The following ANKRD30A variants were observed in gnomAD, a reference collection of about 807,000 sequenced individuals.
ANKRD30A encodes the protein ankyrin repeat domain 30A, also known as ankyrin repeat domain-containing protein 30A.
In ANKRD30A, 170 loss-of-function variants were observed where a neutral mutation model predicts 166.3. The observed-to-expected ratio is 1.02, with a 90% CI of 0.90 to 1.16. The LOEUF is 1.16. Ranked by LOEUF, ANKRD30A falls within the 50% of genes most tolerant of loss-of-function variation. The pLI, the probability that ANKRD30A is intolerant of heterozygous loss-of-function variation, is 0.00. For missense variants in ANKRD30A, 1,630 were observed against 1,518.0 expected, an observed-to-expected ratio of 1.07 and a Z score of -1.23; for synonymous variants, 564 against 508.9, an observed-to-expected ratio of 1.11 and a Z score of -1.46.
chr10:37,240,553 A>G, the ANKRD30A span, among the ~76,000 whole-genome samples: 2 of 152,186 alleles, frequency 1.3e-5, no homozygotes, highest in Non-Finnish European at 2.9e-5. Context: ...TTGTCAAATT[A>G]TTCAGCTTTT....
At chr10:37,221,208 A>G (rs1235902479) in intron 34 of ANKRD30A, among the ~76,000 whole-genome samples, 2 of 151,150 alleles carry the variant, frequency 1.3e-5, no homozygotes, top group Admixed American at 6.6e-5. Context: ...AATAAGCAGC[A>G]ATGGGTACAA....
intron 12 of ANKRD30A, among the ~76,000 whole-genome samples, chr10:37,152,458 C>A (rs1838024891): frequency 6.6e-6 from 1 of 152,060 alleles, no homozygotes; most frequent in African/African-American, 2.4e-5. Flanking sequence ...ATATATGATT[C>A]TGTCTTACAT....
intron 31 of ANKRD30A, among the ~76,000 whole-genome samples, chr10:37,211,176 A>G (rs1043311600): frequency 2.6e-5 from 4 of 151,808 alleles, no homozygotes; most frequent in African/African-American, 9.7e-5. Context: ...GTTTTAGGGT[A>G]CATGTGCATA....
intron 18 of ANKRD30A, among the ~76,000 whole-genome samples, chr10:37,165,840 A>T (rs947966318): frequency 2.0e-5 from 3 of 152,146 alleles, no homozygotes; most frequent in African/African-American, 7.2e-5. Context: ...AACGGCGGAA[A>T]GACATAGAAA....
At chr10:37,222,386 C>T (rs1053030709) in intron 34 of ANKRD30A, among the ~76,000 whole-genome samples, 11 of 151,356 alleles carry the variant, frequency 7.3e-5, no homozygotes, top group Admixed American at 6.0e-4. Context: ...AGTGGCTTCT[C>T]TTACTTAGCA....
intron 5 of ANKRD30A, chr10:37,135,472 G>A (rs1308501105): frequency 1.3e-5 from 2 of 152,222 alleles, no homozygotes; most frequent in East Asian, 3.8e-4. Flanking sequence ...GTAAGGTGAT[G>A]TATGAAATGA....
At chr10:37,154,705 C>G (rs1838231596) in intron 13 of ANKRD30A, among the ~76,000 whole-genome samples, 1 of 152,086 alleles carries the variant, frequency 6.6e-6, no homozygotes, top group East Asian at 1.9e-4. Flanking sequence ...AGGCAGGAAG[C>G]AGGGGACAAG....
the ANKRD30A span, among the ~76,000 whole-genome samples, chr10:37,260,935 T>TTG: frequency 2.6e-5 from 4 of 152,160 alleles, no homozygotes; most frequent in Non-Finnish European, 5.9e-5. Context: ...AAACTACCAA[T>TTG]TGTGTGCTAT....
chr10:37,201,137 G>C, intron 30 of ANKRD30A, 98 bp from the exon 31 acceptor site: 1 of 976,676 alleles, frequency 1.0e-6, no homozygotes, highest in Non-Finnish European at 1.4e-6. Context: ...TGCAAAATAG[G>C]ACTTTTTTTT....
At position 37,138,603 on chromosome 10, in the gene ANKRD30A, G is replaced by A. The variant is rs1183020040; in HGVS notation, c.820+1932G>A. ...ATGCACAAGCCTCAGTAGCCGATTC[G>A]ATCAACTGGAAGAAAGGGTATCAGT... On this transcript the variant is annotated intron_variant, in intron 6 of 35. Coordinates refer to ENST00000361713, the MANE Select transcript of ANKRD30A (RefSeq NM_052997.3). 5.3e-5 allele frequency among the ~76,000 whole-genome samples: 8 copies of A among 152,248 alleles called. No individual in the cohort carries two copies. In the South Asian group the frequency reaches 6.2e-4, roughly 12 times the overall value.
At chr10:37,255,492 A>G in the ANKRD30A span, among the ~76,000 whole-genome samples, 1 of 152,222 alleles carries the variant, frequency 6.6e-6, no homozygotes, top group Non-Finnish European at 1.5e-5. Context: ...ATATGTAATA[A>G]GCTTTGCCAT....
At chr10:37,253,650 T>G in the ANKRD30A span, among the ~76,000 whole-genome samples, 28 of 71,678 alleles carry the variant, frequency 3.9e-4, no homozygotes, top group Admixed American at 1.1e-3. Flanking sequence ...TTTCTTTTTC[T>G]TTTTTTTTTT....
In ANKRD30A at chr10:37,158,378, C is replaced by G; in HGVS notation, c.1799-14C>G. On this transcript the variant is annotated splice_polypyrimidine_tract_variant and intron_variant, in intron 13 of 35. Coordinates refer to ENST00000361713, the MANE Select transcript of ANKRD30A (RefSeq NM_052997.3). Reference sequence around the variant, plus strand: ...CTTGCATATAATCAATTATGTATGTCCCTTTTCTTATAGAGTCTCCTAATA... The same window carrying G: ...CTTGCATATAATCAATTATGTATGTGCCTTTTCTTATAGAGTCTCCTAATA... The G allele has an allele frequency of 1.2e-6, 2 of 1,606,128 alleles. No homozygotes were observed. Among genetic ancestry groups the G allele is most frequent in the South Asian group, 2.2e-5 (2 of 90,590 alleles).
At chr10:37,199,631 C>A (rs2132687421) in intron 29 of ANKRD30A, 96 bp from the exon 30 acceptor site, 1 of 735,694 alleles carries the variant, frequency 1.4e-6, no homozygotes, top group Non-Finnish European at 2.2e-6. Flanking sequence ...AGAGGAGGAA[C>A]CACAGATTCG....
At chr10:37,241,384 A>C in the ANKRD30A span, 2 of 151,152 alleles carry the variant, frequency 1.3e-5, no homozygotes, top group South Asian at 4.1e-4. Flanking sequence ...AAACATATAA[A>C]ATTTTTTCTT....
chr10:37,147,297 A>G (rs1354803089), intron 8 of ANKRD30A, 73 bp from the exon 9 acceptor site: 3 of 1,218,326 alleles, frequency 2.5e-6, no homozygotes, highest in Non-Finnish European at 3.5e-6. Flanking sequence ...TGAGTTTAAA[A>G]AATATTTTAA....
chr10:37,220,467 T>A lies in ANKRD30A; in HGVS notation c.4185+570T>A, dbSNP rs1465304576. Among the ~76,000 whole-genome samples the A allele has an allele frequency of 6.0e-5, 9 of 151,156 alleles. No homozygotes were observed. The South Asian group carries it at 6.2e-4, about 10-fold the overall frequency. On this transcript the variant is annotated intron_variant, in intron 34 of 35. Transcript: ENST00000361713. The stretch of plus-strand genomic sequence containing the variant: ...TTAGTTGATAGAATTTTATTTTCAT[T>A]TATGTCAATTTGACTTAAATCTGAA...
intron 25 of ANKRD30A, 127 bp from the exon 26 acceptor site, chr10:37,192,937 A>G (rs1840720386): frequency 6.8e-7 from 1 of 1,475,262 alleles, no homozygotes; most frequent in African/African-American, 1.4e-5. Flanking sequence ...AAAAGACCCC[A>G]AAAGCTAGTG....
intron 15 of ANKRD30A, among the ~76,000 whole-genome samples, chr10:37,160,981 C>T (rs1371539892): frequency 6.6e-6 from 1 of 152,092 alleles, no homozygotes; most frequent in African/African-American, 2.4e-5. Flanking sequence ...TGACTGGGTG[C>T]GGTGGCTCAC....
Sources: allele counts gnomAD v4.1 joint callset (sites outside exome capture counted in the v4.1 genomes callset), GRCh38; gene constraint gnomAD v4.1.1; transcripts MANE v1.5; gene names NCBI Gene and HGNC (gene_info 2026-07-23, HGNC 2026-07-21).